Variants in GATAD2B observed in about 807,000 individuals in gnomAD.
GATAD2B encodes GATA zinc finger domain containing 2B, also known as transcriptional repressor p66-beta.
Under a neutral mutation model 64.3 loss-of-function variants are expected in GATAD2B, and 8 were observed. That is an observed-to-expected ratio of 0.12 (90% confidence interval 0.07 to 0.22). The LOEUF is 0.22. GATAD2B is among the 10% of genes least tolerant of loss of function. GATAD2B has a pLI of 1.00. For missense variants in GATAD2B, 453 were observed against 752.0 expected (o/e 0.60, Z 4.65); for synonymous variants, 281 against 271.3 (o/e 1.04, Z -0.35).
At chr1:153,881,035 T>C (rs1353491238) in intron 1 of GATAD2B, among the ~76,000 whole-genome samples, 4 of 151,984 alleles carry the variant, frequency 2.6e-5, no homozygotes, top group Non-Finnish European at 4.4e-5. Flanking sequence ...GCCTCCCCCC[T>C]CCCTCTCCTT....
rs773145863 is a variant in GATAD2B, at chr1:153,810,171, C to A, written c.*6G>T. 3.1e-6 allele frequency: 5 copies of A among 1,606,680 alleles called. No homozygotes were observed. The highest frequency in any genetic ancestry group is 2.2e-5 in the South Asian group (2 of 89,962). On this transcript the variant is annotated 3_prime_UTR_variant, in exon 11 of 11. Transcript: ENST00000368655. The stretch of plus-strand genomic sequence containing the variant: ...CAAGGATGGGGCAGTACAAGTGGAA[C>A]AGGCGTTATTTCTGTCCACTGATGG...
At chr1:153,827,726 A>G (rs1301809184) in intron 2 of GATAD2B, 2 of 437,762 alleles carry the variant, frequency 4.6e-6, no homozygotes, top group Non-Finnish European at 4.0e-6. Flanking sequence ...ATGAAGGTAT[A>G]TATTAACTCA....
intron 1 of GATAD2B, among the ~76,000 whole-genome samples, chr1:153,886,269 T>A (rs553663118): frequency 1.2e-3 from 182 of 152,230 alleles, no homozygotes; most frequent in Admixed American, 1.9e-3. Context: ...GTAAAGTGTA[T>A]TTAAACAAAC....
chr1:153,880,035 GA>G (rs1676960858), intron 1 of GATAD2B, among the ~76,000 whole-genome samples: 1 of 152,042 alleles, frequency 6.6e-6, no homozygotes, highest in South Asian at 2.1e-4. Context: ...CAGAAAAGAA[GA>G]AATAAAAAAG....
At chr1:153,857,636 G>C (rs917640274) in intron 1 of GATAD2B, among the ~76,000 whole-genome samples, 26 of 152,008 alleles carry the variant, frequency 1.7e-4, no homozygotes, top group African/African-American at 4.8e-4. Flanking sequence ...AGGTAAAAAA[G>C]GAGAGAGAGA....
intron 1 of GATAD2B, among the ~76,000 whole-genome samples, chr1:153,848,189 T>C (rs1364124861): frequency 1.3e-5 from 2 of 152,194 alleles, no homozygotes; most frequent in Admixed American, 6.6e-5. Context: ...CTGCCCCATG[T>C]CCCTGAACCC....
At chr1:153,860,923 A>G (rs906890946) in intron 1 of GATAD2B, among the ~76,000 whole-genome samples, 11 of 152,154 alleles carry the variant, frequency 7.2e-5, no homozygotes, top group Non-Finnish European at 1.6e-4. Context: ...GTCATAAACC[A>G]CGGGGCCCAG....
intron 1 of GATAD2B, among the ~76,000 whole-genome samples, chr1:153,842,954 C>CT (rs11424016): frequency 0.27 from 31,322 of 117,434 alleles, 4,929 homozygotes; most frequent in Admixed American, 0.36. Flanking sequence ...CTCGCCCAGC[C>CT]TTTTTTTTTT....
At chr1:153,918,709 T>A (rs1335582705) in intron 1 of GATAD2B, among the ~76,000 whole-genome samples, 1 of 152,118 alleles carries the variant, frequency 6.6e-6, no homozygotes, top group Non-Finnish European at 1.5e-5. Context: ...TCCCAGCACT[T>A]TGGGAGGCTG....
In GATAD2B at chr1:153,886,500, C is replaced by T. The variant is rs1397764497; in HGVS notation, c.-2+36233G>A. 2.0e-5 allele frequency: 3 copies of T among 148,866 alleles called. No individual in the cohort carries two copies. The East Asian group carries it at 6.0e-4, about 30-fold the overall frequency. The allele number at this position is 148,866 out of a possible 1,614,324, so 9.2% of individuals were successfully genotyped here. ...AATCAGATCAGTATTAGAACCATTA[C>T]AAACGCTGAAAAATAGTTTTCCTTT... On this transcript the variant is annotated intron_variant, in intron 1 of 10. Coordinates refer to ENST00000368655, the MANE Select transcript of GATAD2B (RefSeq NM_020699.4).
intron 1 of GATAD2B, among the ~76,000 whole-genome samples, chr1:153,897,068 G>T (rs1260447326): frequency 2.1e-5 from 3 of 145,132 alleles, no homozygotes; most frequent in Non-Finnish European, 4.5e-5. Context: ...TGTTGCTGTC[G>T]CCCAGGCTGG....
chr1:153,911,410 C>T (rs1331247065), intron 1 of GATAD2B, among the ~76,000 whole-genome samples: 1 of 152,130 alleles, frequency 6.6e-6, no homozygotes, highest in African/African-American at 2.4e-5. Context: ...CTAAGCAGTG[C>T]ATCAACAAAA....
chr1:153,818,338 A>G (rs1451621812), intron 4 of GATAD2B, among the ~76,000 whole-genome samples, 167 bp from the exon 5 acceptor site: 1 of 144,398 alleles, frequency 6.9e-6, no homozygotes, highest in East Asian at 2.0e-4. Context: ...TTTTTGAGAC[A>G]GAGTCTTGCT....
intron 1 of GATAD2B, among the ~76,000 whole-genome samples, chr1:153,879,762 CAAAA>C (rs71093298): frequency 1.0e-3 from 82 of 80,954 alleles, no homozygotes; most frequent in African/African-American, 4.1e-3. Context: ...ACACTGTCTA[CAAAA>C]AAAAAAAAAA....
intron 1 of GATAD2B, chr1:153,852,554 C>T (rs1675938532): frequency 7.8e-6 from 6 of 769,176 alleles, no homozygotes; most frequent in South Asian, 6.7e-5. Context: ...TCCACTCCAC[C>T]CATGAGAGCT....
intron 1 of GATAD2B, among the ~76,000 whole-genome samples, chr1:153,903,992 A>G (rs1677853842): frequency 6.6e-6 from 1 of 151,552 alleles, no homozygotes; most frequent in Admixed American, 6.6e-5. Flanking sequence ...TTAAAAATAA[A>G]TAGATATGCC....
intron 1 of GATAD2B, among the ~76,000 whole-genome samples, chr1:153,828,893 A>G (rs560479076): frequency 6.6e-6 from 1 of 151,046 alleles, no homozygotes; most frequent in Non-Finnish European, 1.5e-5. Context: ...TTTCACTTTG[A>G]TTTTTTTTAC....
intron 1 of GATAD2B, among the ~76,000 whole-genome samples, chr1:153,872,098 A>G (rs1676687066): frequency 6.6e-6 from 1 of 152,048 alleles, no homozygotes. Context: ...TAGGCGGATC[A>G]CTTGAGGCCA....
intron 3 of GATAD2B, 127 bp downstream of exon 3, chr1:153,819,479 A>G (rs1674598311): frequency 1.5e-6 from 1 of 655,070 alleles, no homozygotes; most frequent in South Asian, 2.5e-5. Flanking sequence ...GAGTTACTAT[A>G]AAGTTTTCAT....
Sources: gnomAD v4.1 joint callset for allele counts (sites outside exome capture counted in the v4.1 genomes callset) on GRCh38, gnomAD v4.1.1 for gene constraint, MANE v1.5 for transcripts, NCBI Gene and HGNC (gene_info 2026-07-23, HGNC 2026-07-21) for gene names.